Variants in CHD6 observed in about 807,000 individuals in gnomAD.
CHD6 encodes ATP-dependent chromatin remodeler CHD6.
In CHD6, 50 loss-of-function variants were observed where a neutral mutation model predicts 276.9. The ratio of observed to expected loss-of-function variants is 0.18; its 90% confidence interval spans 0.14 to 0.23. The LOEUF (loss-of-function observed/expected upper bound fraction) is 0.23. Ranked by LOEUF, CHD6 falls within the 10% of genes least tolerant of loss-of-function variation. CHD6 has a pLI of 1.00. For synonymous variants in CHD6, 1,173 were observed against 1,229.3 expected (o/e 0.95, Z 0.96); for missense variants, 2,564 against 3,365.8 (o/e 0.76, Z 5.89).
Position 41,415,286 on chromosome 20 carries a change from T to A in CHD6, c.6839A>T (p.Asp2280Val), listed in dbSNP as rs1600801336. ...GQIVNGSLRR[D>V]DAATRRRRGR... ...TCTCCGCCTCCTCGTGGCTGCATCA[T>A]CTCTTCTGAGGCTTCCATTGACAAT... The change falls in exon 34 of 37, where the codon GAT becomes GTT. Residue 2280 changes from aspartate to valine, a missense_variant. Coordinates refer to ENST00000373233, the MANE Select transcript of CHD6 (RefSeq NM_032221.5). 1.2e-6 allele frequency: 2 copies of A among 1,614,038 alleles called. No individual in the cohort carries two copies. Among genetic ancestry groups the A allele is most frequent in the Non-Finnish European group, 1.7e-6 (2 of 1,180,028 alleles).
chr20:41,569,521 G>A (rs2045394218), intron 1 of CHD6, among the ~76,000 whole-genome samples: 1 of 152,094 alleles, frequency 6.6e-6, no homozygotes, highest in Non-Finnish European at 1.5e-5. Flanking sequence ...CAGAATTCAT[G>A]CCCAGAATGA....
intron 3 of CHD6, among the ~76,000 whole-genome samples, chr20:41,519,213 G>A (rs544783030): frequency 9.8e-4 from 149 of 152,310 alleles, no homozygotes; most frequent in Non-Finnish European, 2.0e-3. Context: ...AGCCTGGAAG[G>A]CAGAGGTTGC....
chr20:41,505,827 T>C (rs1231809421), intron 5 of CHD6, among the ~76,000 whole-genome samples: 1 of 152,082 alleles, frequency 6.6e-6, no homozygotes, highest in East Asian at 1.9e-4. Context: ...ATAATTCCTA[T>C]ATGCCATCTC....
intron 1 of CHD6, among the ~76,000 whole-genome samples, chr20:41,555,533 G>A (rs1244058562): frequency 6.6e-6 from 1 of 150,860 alleles, no homozygotes; most frequent in African/African-American, 2.4e-5. Context: ...TCACTTCTCA[G>A]ATGGGGCGGT....
At chr20:41,520,676 C>A (rs1292214269) in intron 3 of CHD6, among the ~76,000 whole-genome samples, 1 of 73,600 alleles carries the variant, frequency 1.4e-5, no homozygotes, top group African/African-American at 5.7e-5. Flanking sequence ...GTTGTGGGGT[C>A]GGGGGAGGGG....
intron 27 of CHD6, among the ~76,000 whole-genome samples, chr20:41,429,489 A>G (rs2047467293): frequency 6.6e-6 from 1 of 152,192 alleles, no homozygotes; most frequent in Non-Finnish European, 1.5e-5. Flanking sequence ...ACATTTTAAG[A>G]GGACAACAAC....
At chr20:41,462,649 T>A (rs1419203918) in intron 17 of CHD6, among the ~76,000 whole-genome samples, 3 of 152,194 alleles carry the variant, frequency 2.0e-5, no homozygotes, top group Admixed American at 2.0e-4. Context: ...ATTGGAGGTA[T>A]CAGTATTAAC....
chr20:41,601,777 A>G (rs1193636369), intron 1 of CHD6, among the ~76,000 whole-genome samples: 1 of 152,228 alleles, frequency 6.6e-6, no homozygotes, highest in African/African-American at 2.4e-5. Context: ...GTGTTAAAGG[A>G]TTAAATGAGA....
At chr20:41,514,011 T>A (rs2044188419) in intron 4 of CHD6, among the ~76,000 whole-genome samples, 1 of 152,174 alleles carries the variant, frequency 6.6e-6, no homozygotes, top group Non-Finnish European at 1.5e-5. Flanking sequence ...ATCTAGACAC[T>A]TAACAGCCAC....
intron 3 of CHD6, among the ~76,000 whole-genome samples, chr20:41,524,979 G>A (rs1043911233): frequency 3.3e-5 from 5 of 152,030 alleles, no homozygotes; most frequent in Non-Finnish European, 5.9e-5. Flanking sequence ...TATGCTGCTC[G>A]TTTTCCTCTA....
chr20:41,608,891 G>T (rs919639724), intron 1 of CHD6, among the ~76,000 whole-genome samples: 6 of 152,110 alleles, frequency 3.9e-5, no homozygotes, highest in African/African-American at 1.4e-4. Context: ...GAACACACAG[G>T]GAGAGCTCTG....
At chr20:41,482,338 T>C (rs1309068448) in intron 16 of CHD6, among the ~76,000 whole-genome samples, 2 of 152,150 alleles carry the variant, frequency 1.3e-5, no homozygotes, top group South Asian at 2.1e-4. Context: ...ATCTCTCCTA[T>C]AGAGCTCTGA....
At chr20:41,480,181 A>G (rs938913655) in intron 16 of CHD6, among the ~76,000 whole-genome samples, 1 of 152,162 alleles carries the variant, frequency 6.6e-6, no homozygotes, top group Non-Finnish European at 1.5e-5. Flanking sequence ...ATTTAAGAGG[A>G]AAAAAAAGAA....
chr20:41,526,615 G>GAA (rs11481321), intron 3 of CHD6, among the ~76,000 whole-genome samples: 9 of 151,882 alleles, frequency 5.9e-5, no homozygotes, highest in African/African-American at 9.7e-5. Flanking sequence ...AGATGAAAGC[G>GAA]AAAAAAGGTA....
chr20:41,488,575 G>C lies in CHD6; in HGVS notation c.1710C>G (p.Phe570Leu). ...TTTCAAATGTTGTGATGACGACGTG[G>C]AACTTGAAGACTCCTGAAAGGGGGT... ...QGNPLSGVFK[F>L]HVVITTFEMI... Residue 570 changes from phenylalanine (F) to leucine (L), a missense_variant, in exon 13 of 37, where the codon TTC becomes TTG. Physicochemically the swap from Phe to Leu is conservative, Grantham distance 22 (BLOSUM62 0). Transcript: ENST00000373233. The C allele has an allele frequency of 6.2e-7, 1 of 1,613,656 alleles. No homozygotes were observed. The highest frequency in any genetic ancestry group is 8.5e-7 in the Non-Finnish European group (1 of 1,179,784).
At chr20:41,512,583 G>GTCCCTGTC (rs1236477334) in intron 5 of CHD6, among the ~76,000 whole-genome samples, 1 of 151,996 alleles carries the variant, frequency 6.6e-6, no homozygotes, top group East Asian at 1.9e-4. Flanking sequence ...TTTGGCTGGA[G>GTCCCTGTC]AGTAATGAGA....
chr20:41,605,264 T>C (rs1215028999), intron 1 of CHD6, among the ~76,000 whole-genome samples: 1 of 152,204 alleles, frequency 6.6e-6, no homozygotes, highest in East Asian at 1.9e-4. Context: ...TCTGTAGGTT[T>C]GATACTTTTC....
chr20:41,406,665 GA>G (rs1450585991), intron 36 of CHD6, among the ~76,000 whole-genome samples: 6 of 152,226 alleles, frequency 3.9e-5, no homozygotes. Flanking sequence ...GAGATTGAGA[GA>G]ATTTCTTCCC....
chr20:41,492,768 A>G (rs981582078), intron 10 of CHD6, among the ~76,000 whole-genome samples: 1 of 152,242 alleles, frequency 6.6e-6, no homozygotes, highest in African/African-American at 2.4e-5. Flanking sequence ...AAAACATACA[A>G]AAATTAGCCA....
Sources: allele counts gnomAD v4.1 joint callset (sites outside exome capture counted in the v4.1 genomes callset), GRCh38; gene constraint gnomAD v4.1.1; transcripts MANE v1.5; gene names NCBI Gene and HGNC (gene_info 2026-07-23, HGNC 2026-07-21).